Variants in NMT2 observed in about 807,000 individuals in gnomAD.
The protein encoded by NMT2 is N-myristoyltransferase 2, also known as glycylpeptide N-tetradecanoyltransferase 2.
Under a neutral mutation model 65.4 loss-of-function variants are expected in NMT2, and 35 were observed. The ratio of observed to expected loss-of-function variants is 0.54; its 90% CI spans 0.41 to 0.71. NMT2 has a LOEUF of 0.71. NMT2 is among the 30% of genes least tolerant of loss of function. The pLI is 0.00. For missense variants in NMT2, 489 were observed against 611.3 expected, an observed-to-expected ratio of 0.80 and a Z score of 2.11; for synonymous variants, 226 against 231.8, an observed-to-expected ratio of 0.98 and a Z score of 0.23.
intron 6 of NMT2, among the ~76,000 whole-genome samples, chr10:15,130,703 C>CAA (rs974360507): frequency 0.095 from 2,638 of 27,914 alleles, 134 homozygotes; most frequent in East Asian, 0.14. Context: ...GGCCCTGTCT[C>CAA]AAAAAAAAAA....
chr10:15,161,939 G>C (rs1404747284), intron 1 of NMT2, among the ~76,000 whole-genome samples: 1 of 152,108 alleles, frequency 6.6e-6, no homozygotes, highest in Non-Finnish European at 1.5e-5. Flanking sequence ...AAGAAATATA[G>C]ATGAAAACAT....
intron 1 of NMT2, among the ~76,000 whole-genome samples, chr10:15,167,700 A>G (rs1034000853): frequency 6.6e-6 from 1 of 152,214 alleles, no homozygotes; most frequent in East Asian, 1.9e-4. Context: ...CTTTTCTCCA[A>G]CAGAAGAGCA....
At chr10:15,141,359 A>G (rs1846749443) in intron 2 of NMT2, 63 bp downstream of exon 2, 1 of 1,594,910 alleles carries the variant, frequency 6.3e-7, no homozygotes. Context: ...AGCGCGCTAA[A>G]CTGCGTAAAC....
chr10:15,110,977 G>A (rs956833246), intron 10 of NMT2, among the ~76,000 whole-genome samples: 3 of 152,030 alleles, frequency 2.0e-5, no homozygotes, highest in Admixed American at 2.0e-4. Context: ...ATTTTTAGTA[G>A]AGACCGGGTT....
At chr10:15,150,150 A>G (rs559951727) in intron 1 of NMT2, among the ~76,000 whole-genome samples, 2 of 152,362 alleles carry the variant, frequency 1.3e-5, no homozygotes, top group African/African-American at 4.8e-5. Context: ...GAGGTTCATC[A>G]CACTACCTGC....
At chr10:15,140,548 C>G (rs990790678) in intron 2 of NMT2, among the ~76,000 whole-genome samples, 1 of 151,292 alleles carries the variant, frequency 6.6e-6, no homozygotes, top group African/African-American at 2.4e-5. Flanking sequence ...GCCAGGGTCT[C>G]TCACTGTTGT....
chr10:15,108,436 T>C lies in NMT2; in HGVS notation c.*759A>G, dbSNP rs1229738138. ...TCCTGACCTCATGATCTGCCCACCT[T>C]GGCCTCCCAAAGTGCTGGGATTACA... On this transcript the variant is annotated 3_prime_UTR_variant, in exon 12 of 12. Coordinates refer to ENST00000378165, the MANE Select transcript of NMT2 (RefSeq NM_004808.3). 2.5e-5 allele frequency: 21 copies of C among 848,086 alleles called. No individual in the cohort carries two copies. In the Admixed American group the frequency reaches 3.7e-4, roughly 15 times the overall value. The allele number at this position is 848,086 out of a possible 1,614,324, so 52.5% of individuals were successfully genotyped here.
chr10:15,161,184 A>G (rs1172818655), intron 1 of NMT2, among the ~76,000 whole-genome samples: 1 of 151,066 alleles, frequency 6.6e-6, no homozygotes, highest in African/African-American at 2.4e-5. Flanking sequence ...AAGGAAAACG[A>G]TTGTTATCAT....
chr10:15,135,290 T>C lies in NMT2; in HGVS notation c.375A>G (p.Gln125=), dbSNP rs756707863. The change falls in exon 3 of 12, where the codon CAA becomes CAG. Residue 125 remains glutamine, a synonymous_variant. Coordinates refer to ENST00000378165, the MANE Select transcript of NMT2 (RefSeq NM_004808.3). Reference sequence around the variant, plus strand: ...AAAACTTACCTAGTTTTGGTACCGGTTGTGTGTCCCAAAACTGGTATCTGT... The same window carrying C: ...AAAACTTACCTAGTTTTGGTACCGGCTGTGTGTCCCAAAACTGGTATCTGT... ...AKHRYQFWDT[Q]PVPKLDEVIT... 1.9e-6 allele frequency: 3 copies of C among 1,614,010 alleles called. No homozygotes were observed. The highest frequency in any genetic ancestry group is 2.5e-6 in the Non-Finnish European group (3 of 1,180,000).
At chr10:15,151,451 T>A (rs1832799773) in intron 1 of NMT2, among the ~76,000 whole-genome samples, 1 of 152,188 alleles carries the variant, frequency 6.6e-6, no homozygotes, top group Non-Finnish European at 1.5e-5. Flanking sequence ...ATAATAAACT[T>A]TCATATAACA....
intron 1 of NMT2, among the ~76,000 whole-genome samples, chr10:15,166,212 G>A (rs930434652): frequency 1.3e-5 from 2 of 152,138 alleles, no homozygotes; most frequent in Non-Finnish European, 2.9e-5. Flanking sequence ...TATACTGAGT[G>A]GTGGGGTAAA....
At chr10:15,168,408 G>T (rs1833449068) in intron 1 of NMT2, 95 bp downstream of exon 1, 2 of 893,346 alleles carry the variant, frequency 2.2e-6, no homozygotes, top group African/African-American at 1.7e-5. Context: ...AGCGGCCGAA[G>T]AACCCCCAGT....
chr10:15,137,547 A>AC (rs1846556871), intron 2 of NMT2, among the ~76,000 whole-genome samples: 1 of 152,126 alleles, frequency 6.6e-6, no homozygotes, highest in Non-Finnish European at 1.5e-5. Context: ...CTCCAACAAC[A>AC]CCATCTATTA....
At chr10:15,124,122 A>G (rs1288277094) in intron 8 of NMT2, among the ~76,000 whole-genome samples, 1 of 152,184 alleles carries the variant, frequency 6.6e-6, no homozygotes, top group Non-Finnish European at 1.5e-5. Context: ...ACCTTAGTGG[A>G]TCATTCTCTG....
At chr10:15,128,312 G>A (rs1346345909) in intron 8 of NMT2, 38 bp downstream of exon 8, 1 of 1,170,944 alleles carries the variant, frequency 8.5e-7, no homozygotes. Flanking sequence ...AGCGTCAGTT[G>A]TTACAGCTTC....
intron 1 of NMT2, chr10:15,155,011 G>A (rs1285106993): frequency 8.4e-7 from 1 of 1,190,024 alleles, no homozygotes; most frequent in African/African-American, 1.5e-5. Flanking sequence ...AAGATGCCAG[G>A]ACCTGTATGC....
intron 2 of NMT2, among the ~76,000 whole-genome samples, chr10:15,140,408 G>A (rs12774695): frequency 1.3e-5 from 2 of 152,144 alleles, no homozygotes; most frequent in African/African-American, 4.8e-5. Flanking sequence ...ACAGGCATGA[G>A]CCATCGTGCC....
chr10:15,165,664 G>C (rs770179850), intron 1 of NMT2, among the ~76,000 whole-genome samples: 2 of 152,016 alleles, frequency 1.3e-5, no homozygotes, highest in Non-Finnish European at 2.9e-5. Flanking sequence ...TATCACCTAA[G>C]GTCAGAAGTT....
At chr10:15,143,828 C>A (rs1036062797) in intron 1 of NMT2, among the ~76,000 whole-genome samples, 3 of 152,180 alleles carry the variant, frequency 2.0e-5, no homozygotes, top group Non-Finnish European at 4.4e-5. Context: ...GCACTCCAGC[C>A]TGGGCAACAG....
Sources: allele counts gnomAD v4.1 joint callset (sites outside exome capture counted in the v4.1 genomes callset), GRCh38; gene constraint gnomAD v4.1.1; transcripts MANE v1.5; gene names NCBI Gene and HGNC (gene_info 2026-07-23, HGNC 2026-07-21).